ILRUN: variants seen among roughly 807,000 people sequenced by gnomAD.
ILRUN encodes the protein inflammation and lipid regulator with UBA-like and NBR1-like domains.
Under a neutral mutation model 33.8 loss-of-function variants are expected in ILRUN, and 3 were observed. The observed-to-expected ratio is 0.09, with a 90% CI of 0.04 to 0.23. The LOEUF (loss-of-function observed/expected upper bound fraction) is 0.23. Ranked by LOEUF, ILRUN falls within the 10% of genes least tolerant of loss-of-function variation. The pLI is 1.00. For missense variants in ILRUN, 210 were observed against 375.1 expected (o/e 0.56, Z 3.64); for synonymous variants, 124 against 138.9 (o/e 0.89, Z 0.75).
intron 3 of ILRUN, among the ~76,000 whole-genome samples, chr6:34,639,511 G>GCTTA (rs1762428160): frequency 6.6e-6 from 1 of 152,128 alleles, no homozygotes; most frequent in South Asian, 2.1e-4. Context: ...CACTCATGCT[G>GCTTA]CTTACCCTTT....
chr6:34,648,012 G>C (rs1307882151), intron 2 of ILRUN, among the ~76,000 whole-genome samples: 4 of 152,170 alleles, frequency 2.6e-5, no homozygotes, highest in Non-Finnish European at 4.4e-5. Flanking sequence ...ACCCACTCTT[G>C]TGTACCTATT....
intron 3 of ILRUN, among the ~76,000 whole-genome samples, chr6:34,611,340 T>TCTATAG (rs1761750047): frequency 6.6e-6 from 1 of 152,130 alleles, no homozygotes; most frequent in Non-Finnish European, 1.5e-5. Context: ...GTACATAGAT[T>TCTATAG]CTACATAGTA....
chr6:34,601,250 A>T (rs1761501638), intron 4 of ILRUN, among the ~76,000 whole-genome samples: 1 of 152,250 alleles, frequency 6.6e-6, no homozygotes, highest in Non-Finnish European at 1.5e-5. Context: ...CTGGCGCATA[A>T]CTGCTCAATC....
At chr6:34,654,811 AG>A (rs1255913744) in intron 1 of ILRUN, 32 bp from the exon 2 acceptor site, 1 of 1,596,980 alleles carries the variant, frequency 6.3e-7, no homozygotes, top group African/African-American at 1.4e-5. Context: ...AACAGACTTC[AG>A]TACTGTCCAG....
At chr6:34,647,399 G>A (rs1454901379) in intron 2 of ILRUN, among the ~76,000 whole-genome samples, 17 of 152,264 alleles carry the variant, frequency 1.1e-4, no homozygotes, top group Admixed American at 3.3e-4. Flanking sequence ...TAGACCTTGG[G>A]TGGTAGTGAA....
rs1762435902 is a variant in ILRUN, at chr6:34,639,970, C to T, written c.511+6631G>A. On this transcript the variant is annotated intron_variant, in intron 3 of 4. Transcript: ENST00000374023. ...TACGAGAATTTGTTAGTACTTTCTA[C>T]TATTTGTTAGTATTTGCTACTTAGA... 3.3e-5 allele frequency among the ~76,000 whole-genome samples: 5 copies of T among 151,900 alleles called. No individual in the cohort carries two copies. In the South Asian group the frequency reaches 1.0e-3, roughly 32 times the overall value.
intron 4 of ILRUN, among the ~76,000 whole-genome samples, chr6:34,605,731 A>T (rs1761616548): frequency 6.6e-6 from 1 of 152,260 alleles, no homozygotes; most frequent in Admixed American, 6.5e-5. Context: ...CTTTATTTTT[A>T]AAATTTAAGG....
At chr6:34,679,331 C>A (rs1183057425) in intron 1 of ILRUN, among the ~76,000 whole-genome samples, 2 of 151,992 alleles carry the variant, frequency 1.3e-5, no homozygotes, top group African/African-American at 4.8e-5. Context: ...GACAATTTGG[C>A]AATTAAGTAT....
intron 1 of ILRUN, among the ~76,000 whole-genome samples, chr6:34,678,066 G>A (rs183452924): frequency 7.2e-5 from 11 of 151,836 alleles, no homozygotes; most frequent in Admixed American, 1.3e-4. Flanking sequence ...TTTTTGAGAT[G>A]GAGTCTTGCT....
chr6:34,631,867 G>A (rs2127349010), intron 3 of ILRUN, among the ~76,000 whole-genome samples: 1 of 151,982 alleles, frequency 6.6e-6, no homozygotes, highest in East Asian at 1.9e-4. Flanking sequence ...TAAACTGCAT[G>A]CTTTAAAATG....
At chr6:34,681,682 A>G (rs1763359988) in intron 1 of ILRUN, among the ~76,000 whole-genome samples, 1 of 152,134 alleles carries the variant, frequency 6.6e-6, no homozygotes, top group Admixed American at 6.6e-5. Flanking sequence ...TTCTCCAACA[A>G]TATTGTAAAT....
intron 3 of ILRUN, among the ~76,000 whole-genome samples, chr6:34,636,148 TGAG>T (rs1302537185): frequency 6.6e-6 from 1 of 152,122 alleles, no homozygotes; most frequent in African/African-American, 2.4e-5. Context: ...CTTGTGAGAC[TGAG>T]GTGGGAGGAC....
intron 4 of ILRUN, among the ~76,000 whole-genome samples, chr6:34,601,696 C>T (rs1478696516): frequency 6.9e-6 from 1 of 144,800 alleles, no homozygotes; most frequent in Non-Finnish European, 1.5e-5. Context: ...CAAACCTCCT[C>T]CAGTACCCGC....
chr6:34,600,361 T>C (rs892242873), intron 4 of ILRUN, among the ~76,000 whole-genome samples: 4 of 152,226 alleles, frequency 2.6e-5, no homozygotes, highest in Non-Finnish European at 5.9e-5. Flanking sequence ...CTTGTACTGG[T>C]TGTCCTCTGC....
At chr6:34,652,661 T>C (rs1202602950) in intron 2 of ILRUN, among the ~76,000 whole-genome samples, 2 of 152,158 alleles carry the variant, frequency 1.3e-5, no homozygotes, top group Non-Finnish European at 2.9e-5. Context: ...GAGTTTTAAA[T>C]CATCTCATAT....
chr6:34,688,339 G>A (rs1763571163), intron 1 of ILRUN, among the ~76,000 whole-genome samples: 1 of 149,412 alleles, frequency 6.7e-6, no homozygotes, highest in Non-Finnish European at 1.5e-5. Context: ...AGGAGTCAAA[G>A]CTAAGGTTAG....
At chr6:34,639,625 A>G (rs1762430478) in intron 3 of ILRUN, among the ~76,000 whole-genome samples, 1 of 151,920 alleles carries the variant, frequency 6.6e-6, no homozygotes, top group Admixed American at 6.6e-5. Flanking sequence ...GTCAATCTCA[A>G]CTCCACCTCA....
At chr6:34,619,860 C>T (rs1022154476) in intron 3 of ILRUN, among the ~76,000 whole-genome samples, 15 of 151,732 alleles carry the variant, frequency 9.9e-5, no homozygotes, top group Non-Finnish European at 2.1e-4. Flanking sequence ...TGGTGCAGGC[C>T]CGTAGTCCCA....
chr6:34,685,787 TAAAGG>T, intron 1 of ILRUN: 1 of 152,126 alleles, frequency 6.6e-6, no homozygotes, highest in East Asian at 1.9e-4. Flanking sequence ...TTACTAAAAG[TAAAGG>T]ATATATTTAA....
Sources: allele counts gnomAD v4.1 joint callset (sites outside exome capture counted in the v4.1 genomes callset), GRCh38; gene constraint gnomAD v4.1.1; transcripts MANE v1.5; gene names NCBI Gene and HGNC (gene_info 2026-07-23, HGNC 2026-07-21).